Variants in CNOT10 observed in about 807,000 individuals in gnomAD.
CNOT10 encodes the protein CCR4-NOT transcription complex subunit 10, also known as CCR4-NOT transcription complex, subunit 10.
A neutral mutation model predicts 94.6 loss-of-function variants in CNOT10; 30 were observed. The ratio of observed to expected loss-of-function variants is 0.32; its 90% CI spans 0.24 to 0.43. CNOT10 has a LOEUF of 0.43. Among genes scored for constraint, CNOT10 ranks in the 20% least tolerant of loss-of-function variants. The pLI is 1.00. For missense variants in CNOT10, 759 were observed against 877.2 expected, an observed-to-expected ratio of 0.87 and a Z score of 1.70; for synonymous variants, 289 against 301.6, an observed-to-expected ratio of 0.96 and a Z score of 0.43.
chr3:32,687,458 T>TTTTTTGTTTTG (rs1696668491), intron 1 of CNOT10, among the ~76,000 whole-genome samples: 1 of 108,050 alleles, frequency 9.3e-6, no homozygotes, highest in African/African-American at 3.3e-5. Flanking sequence ...TTTTGTTTTT[T>TTTTTTGTTTTG]TTTTTTTTTT....
chr3:32,719,864 T>TA (rs1323489856), intron 7 of CNOT10, among the ~76,000 whole-genome samples: 1 of 152,242 alleles, frequency 6.6e-6, no homozygotes, highest in South Asian at 2.1e-4. Flanking sequence ...ACAGACTGTA[T>TA]TCTTATACAT....
intron 13 of CNOT10, among the ~76,000 whole-genome samples, chr3:32,745,117 G>A (rs916713170): frequency 2.6e-5 from 4 of 152,022 alleles, no homozygotes; most frequent in East Asian, 3.9e-4. Context: ...GGCCTCAAGC[G>A]ATCCGCCCAT....
At chr3:32,761,065 G>A (rs1024853300) in intron 14 of CNOT10, among the ~76,000 whole-genome samples, 8 of 152,168 alleles carry the variant, frequency 5.3e-5, no homozygotes, top group African/African-American at 1.4e-4. Context: ...GGAGGCAGAA[G>A]CTGCAGTGAG....
intron 1 of CNOT10, among the ~76,000 whole-genome samples, chr3:32,698,440 C>T (rs148997616): frequency 9.3e-4 from 142 of 152,044 alleles, no homozygotes; most frequent in African/African-American, 3.2e-3. Context: ...CTGGGGGTTT[C>T]GTAGTGATCT....
chr3:32,740,841 G>T (rs564163094), intron 13 of CNOT10, among the ~76,000 whole-genome samples: 53 of 149,202 alleles, frequency 3.6e-4, no homozygotes, highest in African/African-American at 1.0e-3. Flanking sequence ...CAGCCTGGAC[G>T]ACAGAGCGAG....
chr3:32,712,921 G>A (rs1052675573), intron 4 of CNOT10, among the ~76,000 whole-genome samples: 3 of 152,116 alleles, frequency 2.0e-5, no homozygotes, highest in Non-Finnish European at 2.9e-5. Context: ...AACCTCTATT[G>A]GAATTCAGGT....
In CNOT10 at chr3:32,725,512, C is replaced by T. The variant is rs1321946203; in HGVS notation, c.925C>T (p.His309Tyr). The T allele has an allele frequency of 2.5e-6, 4 of 1,613,664 alleles. No homozygotes were observed. Among genetic ancestry groups the T allele is most frequent in the Non-Finnish European group, 3.4e-6 (4 of 1,179,646 alleles). ...LGCIHFAMSKHNLGIFYFKKA... is the reference protein window; with the variant it reads ...LGCIHFAMSKYNLGIFYFKKA... ...TTGCATCCATTTTGCCATGAGCAAG[C>T]ACAATTTGGGAATATTCTACTTTAA... The change falls in exon 9 of 19, where the codon CAC (histidine) becomes TAC (tyrosine). Residue 309 changes from histidine to tyrosine, a missense_variant. Around this residue, in one of 3 missense-constraint regions of CNOT10, gnomAD observed 682 missense variants for 799.4 expected, o/e 0.85. Transcript: ENST00000328834.
intron 1 of CNOT10, among the ~76,000 whole-genome samples, chr3:32,689,025 A>T (rs1696742984): frequency 6.6e-6 from 1 of 151,962 alleles, no homozygotes; most frequent in Non-Finnish European, 1.5e-5. Context: ...TAACACAGTG[A>T]TACCCCGTCT....
rs1700358377 is a variant in CNOT10 at position 32,759,577 on chromosome 3, T to C, written c.1709+6T>C. 2 of 1,595,012 alleles carry C rather than the reference T, an allele frequency of 1.3e-6. No homozygotes were observed. Among genetic ancestry groups the C allele is most frequent in the East Asian group, 2.2e-5 (1 of 44,784 alleles). On this transcript the variant is annotated splice_donor_region_variant and intron_variant, in intron 14 of 18. Coordinates refer to ENST00000328834, the MANE Select transcript of CNOT10 (RefSeq NM_015442.3). Reference sequence around the variant, plus strand: ...AAGCTGTCAGGATCTCTTAAGTAAGTGTGACTTGCCCTGTGTGTCCCTGGT... The same window carrying C: ...AAGCTGTCAGGATCTCTTAAGTAAGCGTGACTTGCCCTGTGTGTCCCTGGT...
At chr3:32,697,708 C>T (rs1316157577) in intron 1 of CNOT10, among the ~76,000 whole-genome samples, 1 of 152,152 alleles carries the variant, frequency 6.6e-6, no homozygotes, top group Non-Finnish European at 1.5e-5. Flanking sequence ...CTCCTAGGCT[C>T]AAGCAGTCCT....
chr3:32,738,701 A>G (rs1002865377), intron 13 of CNOT10, among the ~76,000 whole-genome samples: 1 of 151,796 alleles, frequency 6.6e-6, no homozygotes, highest in African/African-American at 2.4e-5. Context: ...TGACGTCGTG[A>G]TCCACCCACC....
At position 32,724,243 on chromosome 3, in the gene CNOT10, CTTTTTTTT is replaced by C. The variant is rs376534412; in HGVS notation, c.863-1196_863-1189del. 1.7e-4 allele frequency among the ~76,000 whole-genome samples: 22 copies of C among 126,800 alleles called. No homozygotes were observed. In the South Asian group the frequency reaches 5.3e-3, roughly 31 times the overall value. The allele number at this position is 126,800 out of a possible 152,430, so 83.2% of individuals were successfully genotyped here. A position where few individuals can be genotyped will look rare whatever the true frequency, so the allele number is the denominator to read the frequency against. ...TTAATAGACATACTCTGTTCTGTTC[CTTTTTTTT>C]TTTTTTTTTTCTTTGAGACAGTCTC... is the stretch of plus-strand genomic sequence containing the variant. On this transcript the variant is annotated intron_variant, in intron 8 of 18. Coordinates refer to ENST00000328834, the MANE Select transcript of CNOT10 (RefSeq NM_015442.3).
chr3:32,762,975 T>G (rs1346026643), intron 15 of CNOT10, 112 bp downstream of exon 15: 21 of 1,204,562 alleles, frequency 1.7e-5, no homozygotes, highest in Non-Finnish European at 2.1e-5. Context: ...AAGTTTTAGG[T>G]TGGCTTTCCA....
intron 8 of CNOT10, among the ~76,000 whole-genome samples, chr3:32,721,429 C>CTTTTTTTTTTTTTTTTTTTT (rs58351356): frequency 2.8e-5 from 2 of 72,596 alleles, no homozygotes; most frequent in Non-Finnish European, 4.7e-5. Context: ...TTTCTTTCAT[C>CTTTTTTTTTTTTTTTTTTTT]TTTTTTTTTT....
chr3:32,754,506 A>ATATATT (rs1700131606), intron 13 of CNOT10, among the ~76,000 whole-genome samples: 5 of 104,404 alleles, frequency 4.8e-5, no homozygotes, highest in African/African-American at 1.8e-4. Flanking sequence ...ATATATATAT[A>ATATATT]TATTTATTTT....
chr3:32,727,815 C>T lies in CNOT10; in HGVS notation c.1160C>T (p.Ala387Val). ...CLIEAVQVYHANPRLWLRLAE... is the reference protein window; with the variant it reads ...CLIEAVQVYHVNPRLWLRLAE... Reference sequence around the variant, plus strand: ...ATTGAAGCTGTTCAGGTTTATCATGCAAATCCTCGCCTCTGGCTACGGCTG... The same window carrying T: ...ATTGAAGCTGTTCAGGTTTATCATGTAAATCCTCGCCTCTGGCTACGGCTG... Residue 387 changes from alanine (A) to valine (V), a missense_variant, in exon 10 of 19, where the codon GCA becomes GTA. Transcript: ENST00000328834. 6 of 1,613,680 alleles carry T rather than the reference C, an allele frequency of 3.7e-6. No homozygotes were observed. The highest frequency in any genetic ancestry group is 5.1e-6 in the Non-Finnish European group (6 of 1,179,946).
At chr3:32,704,004 C>A in intron 2 of CNOT10, 42 bp downstream of exon 2, 1 of 1,243,372 alleles carries the variant, frequency 8.0e-7, no homozygotes, top group Non-Finnish European at 1.2e-6. Flanking sequence ...TTGTAGGGTT[C>A]TGTCAAGTAT....
At chr3:32,738,695 G>C (rs111956008) in intron 13 of CNOT10, among the ~76,000 whole-genome samples, 9,298 of 151,514 alleles carry the variant, frequency 0.061, 329 homozygotes, top group African/African-American at 0.09. Context: ...ATCTCCTGAC[G>C]TCGTGATCCA....
chr3:32,720,033 C>T (rs1430209887), intron 7 of CNOT10, 81 bp from the exon 8 acceptor site: 9 of 608,416 alleles, frequency 1.5e-5, no homozygotes, highest in African/African-American at 1.1e-4. Context: ...GTTTTGAACA[C>T]GTCAGTACAA....
Sources: allele counts gnomAD v4.1 joint callset (sites outside exome capture counted in the v4.1 genomes callset), GRCh38; gene constraint gnomAD v4.1.1; regional missense constraint gnomAD v4.1.1; transcripts MANE v1.5; gene names NCBI Gene and HGNC (gene_info 2026-07-23, HGNC 2026-07-21).